Variants in FNDC3A observed in about 807,000 individuals in gnomAD.
FNDC3A encodes fibronectin type III domain containing 3A, also known as fibronectin type-III domain-containing protein 3A.
A neutral mutation model predicts 148.9 loss-of-function variants in FNDC3A; 32 were observed. The ratio of observed to expected loss-of-function variants is 0.21; its 90% CI spans 0.16 to 0.29. The LOEUF (loss-of-function observed/expected upper bound fraction) is 0.29, where lower values mean the gene tolerates loss of function less well. Among genes scored for constraint, FNDC3A ranks in the 10% least tolerant of loss-of-function variants. FNDC3A has a pLI of 1.00. For missense variants in FNDC3A, 1,191 were observed against 1,452.8 expected (o/e 0.82, Z 2.93); for synonymous variants, 472 against 473.6 (o/e 1.00, Z 0.04).
At chr13:49,137,135 C>T (rs1461410735) in intron 6 of FNDC3A, among the ~76,000 whole-genome samples, 1 of 152,114 alleles carries the variant, frequency 6.6e-6, no homozygotes, top group African/African-American at 2.4e-5. Flanking sequence ...CCTATCAAAA[C>T]TTTTTATTTC....
chr13:49,112,365 C>T (rs1880631381), intron 3 of FNDC3A, among the ~76,000 whole-genome samples: 1 of 152,150 alleles, frequency 6.6e-6, no homozygotes, highest in East Asian at 1.9e-4. Flanking sequence ...TAGTTTAAAA[C>T]AGTTCTCATT....
In FNDC3A at chr13:49,168,768, G is replaced by A; in HGVS notation, c.1176+17G>A. On this transcript the variant is annotated intron_variant, in intron 10 of 25. Transcript: ENST00000492622. ...CAATGGAAGGTAAGAATATTCTTTA[G>A]GGTGTTTCCAACTGGACATGTGTTT... is the stretch of plus-strand genomic sequence containing the variant. 6.2e-7 allele frequency: 1 copy of A among 1,609,898 alleles called. No homozygotes were observed. The highest frequency in any genetic ancestry group is 8.5e-7 in the Non-Finnish European group (1 of 1,177,514).
At chr13:49,060,391 C>T (rs1876581556) in intron 2 of FNDC3A, among the ~76,000 whole-genome samples, 1 of 152,052 alleles carries the variant, frequency 6.6e-6, no homozygotes, top group African/African-American at 2.4e-5. Flanking sequence ...TGCCTGTAAT[C>T]CCAGCACTTT....
intron 3 of FNDC3A, among the ~76,000 whole-genome samples, chr13:49,087,548 T>C (rs887532191): frequency 6.6e-6 from 1 of 152,002 alleles, no homozygotes; most frequent in African/African-American, 2.4e-5. Flanking sequence ...GAGAAGCAAA[T>C]TGACTTGGAA....
At chr13:49,007,769 C>G (rs1294381916) in intron 2 of FNDC3A, among the ~76,000 whole-genome samples, 1 of 152,018 alleles carries the variant, frequency 6.6e-6, no homozygotes, top group African/African-American at 2.4e-5. Context: ...AACCTACTAG[C>G]AAGATTTAAA....
In FNDC3A at chr13:49,100,975, T is replaced by C. The variant is rs1879822766; in HGVS notation, c.176-13680T>C. The stretch of plus-strand genomic sequence containing the variant: ...TGTTGAATCGACATCTTAGTATAAG[T>C]AAAGGGGAAAATTATAGAGAAAGAA... On this transcript the variant is annotated intron_variant, in intron 3 of 25. Coordinates refer to ENST00000492622, the MANE Select transcript of FNDC3A (RefSeq NM_001079673.2). 2.0e-5 allele frequency among the ~76,000 whole-genome samples: 3 copies of C among 152,112 alleles called. No homozygotes were observed. In the South Asian group the frequency reaches 6.2e-4, roughly 32 times the overall value.
intron 2 of FNDC3A, among the ~76,000 whole-genome samples, chr13:49,030,972 A>C (rs1038027453): frequency 6.6e-6 from 1 of 152,344 alleles, no homozygotes; most frequent in African/African-American, 2.4e-5. Context: ...TTCCCAGCTT[A>C]CTTCTTTGTA....
intron 12 of FNDC3A, 51 bp downstream of exon 12, chr13:49,174,610 A>T: frequency 6.8e-7 from 1 of 1,475,462 alleles, no homozygotes; most frequent in Non-Finnish European, 9.3e-7. Flanking sequence ...TATCAAGTCA[A>T]CGTCAATTGT....
intron 3 of FNDC3A, among the ~76,000 whole-genome samples, chr13:49,096,063 A>G (rs1879506691): frequency 6.6e-6 from 1 of 152,106 alleles, no homozygotes; most frequent in Non-Finnish European, 1.5e-5. Context: ...TGTTATGGCA[A>G]CAAACACTTT....
At chr13:49,174,364 G>A in intron 11 of FNDC3A, 71 bp from the exon 12 acceptor site, 1 of 1,300,456 alleles carries the variant, frequency 7.7e-7, no homozygotes. Context: ...TAACTGTCAA[G>A]AAGGAATTGA....
At chr13:49,010,699 T>G (rs1327692220) in intron 2 of FNDC3A, among the ~76,000 whole-genome samples, 1 of 152,210 alleles carries the variant, frequency 6.6e-6, no homozygotes, top group African/African-American at 2.4e-5. Flanking sequence ...CACTAAGAGA[T>G]ATAATACTGC....
chr13:49,046,920 A>G (rs1309635395), intron 2 of FNDC3A: 1 of 151,982 alleles, frequency 6.6e-6, no homozygotes, highest in Non-Finnish European at 1.5e-5. Flanking sequence ...ACGTTCTTTA[A>G]TGGTAATTTC....
intron 5 of FNDC3A, among the ~76,000 whole-genome samples, chr13:49,135,938 T>G (rs1267506947): frequency 1.3e-5 from 2 of 152,198 alleles, no homozygotes; most frequent in African/African-American, 4.8e-5. Flanking sequence ...ACCTATTTTA[T>G]GTGTTTAAGG....
At chr13:49,170,272 C>A (rs777392487) in intron 10 of FNDC3A, among the ~76,000 whole-genome samples, 1 of 152,036 alleles carries the variant, frequency 6.6e-6, no homozygotes, top group African/African-American at 2.4e-5. Context: ...ACATCTAAAT[C>A]GCCCATAGTA....
chr13:49,014,882 C>G (rs1312559317), intron 2 of FNDC3A, among the ~76,000 whole-genome samples: 2 of 148,122 alleles, frequency 1.4e-5, no homozygotes, highest in African/African-American at 5.0e-5. Flanking sequence ...TTGTTTTTCT[C>G]AGGTTTGTCA....
chr13:49,113,918 A>T (rs186196494), intron 3 of FNDC3A, among the ~76,000 whole-genome samples: 1 of 152,346 alleles, frequency 6.6e-6, no homozygotes, highest in East Asian at 1.9e-4. Context: ...AACTAGAGAT[A>T]ATAGTTATAA....
At chr13:49,017,669 A>T (rs1301406826) in intron 2 of FNDC3A, among the ~76,000 whole-genome samples, 2 of 151,152 alleles carry the variant, frequency 1.3e-5, no homozygotes, top group Non-Finnish European at 3.0e-5. Context: ...TATTTTGCTC[A>T]TTAGTTCATG....
chr13:49,045,383 A>C (rs1450004612), intron 2 of FNDC3A: 1 of 158,778 alleles, frequency 6.3e-6, no homozygotes, highest in Non-Finnish European at 1.4e-5. Flanking sequence ...CAAACTCCTG[A>C]CCTCAAGGAT....
chr13:49,024,004 A>G (rs535957868), intron 2 of FNDC3A, among the ~76,000 whole-genome samples: 2 of 152,110 alleles, frequency 1.3e-5, no homozygotes, highest in South Asian at 4.1e-4. Flanking sequence ...GGCTAAGAAG[A>G]AAAAGAGATA....
Sources: gnomAD v4.1 joint callset for allele counts (sites outside exome capture counted in the v4.1 genomes callset) on GRCh38, gnomAD v4.1.1 for gene constraint, MANE v1.5 for transcripts, NCBI Gene and HGNC (gene_info 2026-07-23, HGNC 2026-07-21) for gene names.